Variants in CD180 observed in about 807,000 individuals in gnomAD.
CD180 encodes the protein CD180 antigen.
In CD180, 11 loss-of-function variants were observed where a neutral mutation model predicts 10.7. The ratio of observed to expected loss-of-function variants is 1.03; its 90% CI spans 0.65 to 1.70. The LOEUF (loss-of-function observed/expected upper bound fraction) is 1.70, where lower values mean the gene tolerates loss of function less well. CD180 is among the 40% of genes most tolerant of loss of function. CD180 has a pLI of 0.00. For synonymous variants in CD180, 286 were observed against 294.6 expected, an observed-to-expected ratio of 0.97 and a Z score of 0.30; for missense variants, 729 against 775.2, an observed-to-expected ratio of 0.94 and a Z score of 0.71.
chr5:67,186,876 A>ATGTGTGTG (rs1742205291), intron 1 of CD180, among the ~76,000 whole-genome samples: 60 of 126,090 alleles, frequency 4.8e-4, no homozygotes, highest in African/African-American at 1.4e-3. Flanking sequence ...GTGTGTGTGA[A>ATGTGTGTG]AGAGAGAGAG....
At chr5:67,187,069 T>C (rs1488372822) in intron 1 of CD180, among the ~76,000 whole-genome samples, 3 of 152,322 alleles carry the variant, frequency 2.0e-5, no homozygotes, top group South Asian at 4.1e-4. Context: ...CAGTATTCAA[T>C]GATATTAAGG....
intron 2 of CD180, 94 bp downstream of exon 2, chr5:67,185,757 G>T (rs1362182742): frequency 2.3e-6 from 2 of 868,686 alleles, no homozygotes; most frequent in Non-Finnish European, 1.7e-6. Flanking sequence ...GATTGTCCCT[G>T]GGCCCCCCAA....
rs1371487752 is a variant in CD180, at chr5:67,179,795, T to C, written c.*3062A>G. On this transcript the variant is annotated 3_prime_UTR_variant, in exon 3 of 3. Transcript: ENST00000256447. Reference sequence around the variant, plus strand: ...AAAGGTGTAATTCTCTCCTGGGTTGTAGGAGTTGCAGCTCATGCAGAGAGT... The same window carrying C: ...AAAGGTGTAATTCTCTCCTGGGTTGCAGGAGTTGCAGCTCATGCAGAGAGT... 6.6e-6 allele frequency: 1 copy of C among 152,260 alleles called. No homozygotes were observed. Among genetic ancestry groups the C allele is most frequent in the Admixed American group, 6.5e-5 (1 of 15,284 alleles). 9.4% of individuals were successfully genotyped at this position (152,260 alleles called of 1,614,324 possible).
chr5:67,190,846 C>T (rs1742291628), intron 1 of CD180: 1 of 791,242 alleles, frequency 1.3e-6, no homozygotes, highest in Non-Finnish European at 1.5e-6. Flanking sequence ...ATCTAACTCC[C>T]TCTCATCCCA....
rs1742119778 is a variant in CD180, at chr5:67,183,924, C to T, written c.919G>A (p.Ala307Thr). Residue 307 changes from alanine to threonine, a missense_variant, in exon 3 of 3, where the codon GCA becomes ACA. Transcript: ENST00000256447. ...GAGGGTAACCCTTTCAAGTGAGTTG[C>T]TGTCAGATCCAATTCTTGGAGTTGG... ...FTQLQELDLT[A>T]THLKGLPSGM... 4 of 1,614,170 alleles carry T rather than the reference C, an allele frequency of 2.5e-6. No individual in the cohort carries two copies. Among genetic ancestry groups the T allele is most frequent in the African/African-American group, 2.7e-5 (2 of 75,046 alleles).
chr5:67,193,520 C>A (rs1742346831), intron 1 of CD180, among the ~76,000 whole-genome samples: 1 of 152,200 alleles, frequency 6.6e-6, no homozygotes, highest in Non-Finnish European at 1.5e-5. Context: ...GCCTTCGAAT[C>A]TTGTTCTTGA....
rs769623908 is a variant in CD180, at chr5:67,184,308, C to T, written c.535G>A (p.Asp179Asn). Residue 179 changes from aspartate (D) to asparagine (N), a missense_variant, in exon 3 of 3, where the codon GAT becomes AAT. Physicochemically the swap from Asp to Asn is conservative, Grantham distance 23. Transcript: ENST00000256447. ...DFPARNLKVL[D>N]FQNNAIHYIS... ...TAGTGTATAGCATTATTCTGAAAAT[C>T]CAGTACTTTCAGATTCCGTGCTGGG... 2.5e-6 allele frequency: 4 copies of T among 1,614,010 alleles called. No individual in the cohort carries two copies. Among genetic ancestry groups the T allele is most frequent in the Non-Finnish European group, 3.4e-6 (4 of 1,179,988 alleles).
chr5:67,195,855 C>T (rs533923470), intron 1 of CD180, among the ~76,000 whole-genome samples: 3 of 152,148 alleles, frequency 2.0e-5, no homozygotes, highest in Admixed American at 6.5e-5. Flanking sequence ...TGACAGGCCA[C>T]GTGGTATTGA....
Position 67,184,247 on chromosome 5 carries a change from G to A in CD180, c.596C>T (p.Ala199Val), listed in dbSNP as rs750057708. Residue 199 changes from alanine to valine, a missense_variant, in exon 3 of 3, where the codon GCC (alanine) becomes GTC (valine). By Grantham distance (64) the Ala-to-Val change is moderately conservative (BLOSUM62 0). Coordinates refer to ENST00000256447, the MANE Select transcript of CD180 (RefSeq NM_005582.3). ...SREDMRSLEQ[A>V]INLSLNFNGN... is the part of the protein sequence containing the mutation. ...ATTGAAGTTCAGGCTTAGGTTGATG[G>A]CCTGCTCCAGAGACCTCATGTCTTC... 1.2e-6 allele frequency: 2 copies of A among 1,614,020 alleles called. No homozygotes were observed. Among genetic ancestry groups the A allele is most frequent in the Non-Finnish European group, 1.7e-6 (2 of 1,179,944 alleles).
Position 67,196,617 on chromosome 5 carries a change from A to T in CD180, c.25T>A (p.Phe9Ile). 1 of 1,614,018 alleles carries T rather than the reference A, an allele frequency of 6.2e-7. No individual in the cohort carries two copies. The highest frequency in any genetic ancestry group is 2.2e-5 in the East Asian group (1 of 44,880). ...CCGGCAGAAAACAGCACCACCCAAAAGAAGCAGCTGACGTCAAACGCCATC... is the reference window on the plus strand; with the variant it reads ...CCGGCAGAAAACAGCACCACCCAAATGAAGCAGCTGACGTCAAACGCCATC... MAFDVSCF[F>I]WVVLFSAGCK... The change falls in exon 1 of 3, where the codon TTT becomes ATT. Residue 9 changes from phenylalanine (F) to isoleucine (I), a missense_variant. Phe to Ile is a conservative substitution (Grantham distance 21). Coordinates refer to ENST00000256447, the MANE Select transcript of CD180 (RefSeq NM_005582.3).
intron 1 of CD180, among the ~76,000 whole-genome samples, chr5:67,194,671 T>C (rs746697851): frequency 1.3e-5 from 2 of 152,232 alleles, no homozygotes; most frequent in Non-Finnish European, 2.9e-5. Flanking sequence ...AATGCCGTAG[T>C]CTCAGTGGAT....
chr5:67,183,470 T>C lies in CD180; in HGVS notation c.1373A>G (p.Asp458Gly). The change falls in exon 3 of 3, where the codon GAT becomes GGT. Residue 458 changes from aspartate to glycine, a missense_variant. Coordinates refer to ENST00000256447, the MANE Select transcript of CD180 (RefSeq NM_005582.3). ...QVLNLTYCFL[D>G]TSNQHLLAGL... is the part of the protein sequence containing the mutation. ...TGCTAGAAGATGCTGATTGCTGGTA[T>C]CAAGGAAGCAGTAAGTGAGATTCAG... 2.5e-6 allele frequency: 4 copies of C among 1,614,214 alleles called. No individual in the cohort carries two copies. The highest frequency in any genetic ancestry group is 3.4e-6 in the Non-Finnish European group (4 of 1,180,034).
At chr5:67,189,673 G>A (rs1742265111) in intron 1 of CD180, among the ~76,000 whole-genome samples, 1 of 152,134 alleles carries the variant, frequency 6.6e-6, no homozygotes, top group Non-Finnish European at 1.5e-5. Context: ...AAATGGCCAC[G>A]ATGATAGAGG....
chr5:67,184,643 T>C (rs1742147063), intron 2 of CD180, 58 bp from the exon 3 acceptor site: 4 of 1,382,546 alleles, frequency 2.9e-6, no homozygotes, highest in South Asian at 2.7e-5. Context: ...AAAAATACTT[T>C]ACAGTGACAC....
chr5:67,194,970 A>T (rs188719315), intron 1 of CD180, among the ~76,000 whole-genome samples: 1 of 152,166 alleles, frequency 6.6e-6, no homozygotes. Flanking sequence ...TCCTTAAAAG[A>T]TGAGGACATT....
chr5:67,192,553 CAG>C (rs1742330549), intron 1 of CD180, among the ~76,000 whole-genome samples: 1 of 152,044 alleles, frequency 6.6e-6, no homozygotes, highest in South Asian at 2.1e-4. Context: ...TGGCAGAAGG[CAG>C]ACGGGGAGCA....
At chr5:67,195,310 G>A (rs1248923662) in intron 1 of CD180, among the ~76,000 whole-genome samples, 1 of 152,150 alleles carries the variant, frequency 6.6e-6, no homozygotes, top group South Asian at 2.1e-4. Flanking sequence ...TCTGCCTCCC[G>A]GGTTTGAGTG....
chr5:67,188,091 A>AT (rs1742233971), intron 1 of CD180, among the ~76,000 whole-genome samples: 1 of 151,808 alleles, frequency 6.6e-6, no homozygotes, highest in Admixed American at 6.6e-5. Flanking sequence ...AATCGCTTGA[A>AT]CCAGGGACTC....
In CD180 at chr5:67,184,101, G is replaced by C; in HGVS notation, c.742C>G (p.Gln248Glu). The C allele has an allele frequency of 6.2e-7, 1 of 1,614,168 alleles. No individual in the cohort carries two copies. The highest frequency in any genetic ancestry group is 8.5e-7 in the Non-Finnish European group (1 of 1,180,000). ...TCAAATGTTCCCAGCCAGAGAGACT[G>C]AGTAGTAGAGTTCTGCAGACCATTG... The part of the protein sequence containing the change: ...IFNGLQNSTT[Q>E]SLWLGTFEDI... Residue 248 changes from glutamine to glutamate, a missense_variant, in exon 3 of 3, where the codon CAG becomes GAG. Gln to Glu is a conservative substitution (Grantham distance 29). Coordinates refer to ENST00000256447, the MANE Select transcript of CD180 (RefSeq NM_005582.3).
Sources: gnomAD v4.1 joint callset for allele counts (sites outside exome capture counted in the v4.1 genomes callset) on GRCh38, gnomAD v4.1.1 for gene constraint, MANE v1.5 for transcripts, NCBI Gene and HGNC (gene_info 2026-07-23, HGNC 2026-07-21) for gene names.